NCOA2: variants seen among roughly 807,000 people sequenced by gnomAD.
NCOA2 encodes nuclear receptor coactivator 2.
A neutral mutation model predicts 145.1 loss-of-function variants in NCOA2; 21 were observed. The observed-to-expected ratio is 0.14, with a 90% CI of 0.10 to 0.21. The LOEUF (loss-of-function observed/expected upper bound fraction) is 0.21, where lower values mean the gene tolerates loss of function less well. NCOA2 is among the 10% of genes least tolerant of loss of function. The pLI, the probability that NCOA2 is intolerant of heterozygous loss-of-function variation, is 1.00. For synonymous variants in NCOA2, 619 were observed against 637.5 expected (o/e 0.97, Z 0.44); for missense variants, 1,472 against 1,837.6 (o/e 0.80, Z 3.64).
intron 2 of NCOA2, among the ~76,000 whole-genome samples, chr8:70,237,816 A>G (rs2134369186): frequency 6.6e-6 from 1 of 152,102 alleles, no homozygotes; most frequent in South Asian, 2.1e-4. Context: ...ATATTACTAC[A>G]TACTCTTCAT....
intron 2 of NCOA2, among the ~76,000 whole-genome samples, chr8:70,220,996 G>A (rs1404571560): frequency 6.6e-6 from 1 of 152,116 alleles, no homozygotes; most frequent in East Asian, 1.9e-4. Context: ...AATTCCCCAA[G>A]TTAGAAACGA....
Position 70,273,355 on chromosome 8 carries a change from C to T in NCOA2, c.-20+23389G>A, listed in dbSNP as rs1370076285. On this transcript the variant is annotated intron_variant, in intron 2 of 22. Coordinates refer to ENST00000452400, the MANE Select transcript of NCOA2 (RefSeq NM_006540.4). ...ACCAACCCTAGTCCCCCGCGCAGCC[C>T]CTTATCCGCTGCGACAAGATGAAAG... is the stretch of plus-strand genomic sequence containing the variant. 4 of 547,414 alleles carry T rather than the reference C, an allele frequency of 7.3e-6. No individual in the cohort carries two copies. In the African/African-American group the frequency reaches 7.7e-5, roughly 11 times the overall value. The allele number at this position is 547,414 out of a possible 1,614,324, so 33.9% of individuals were successfully genotyped here.
chr8:70,147,119 CGCGCGCGCGTGTGT>C (rs1811164579), intron 12 of NCOA2, among the ~76,000 whole-genome samples: 2 of 150,582 alleles, frequency 1.3e-5, no homozygotes, highest in African/African-American at 4.9e-5. Context: ...TTCGCGCGCG[CGCGCGCGCGTGTGT>C]GTGTGTGTGT....
At chr8:70,366,080 T>A (rs1002037158) in intron 1 of NCOA2, among the ~76,000 whole-genome samples, 4 of 152,238 alleles carry the variant, frequency 2.6e-5, no homozygotes, top group African/African-American at 7.2e-5. Context: ...CATGTGCTTC[T>A]CTTACCAGCA....
the NCOA2 span, among the ~76,000 whole-genome samples, chr8:70,451,235 A>ATAT: frequency 0.09 from 8,508 of 94,948 alleles, 220 homozygotes; most frequent in Non-Finnish European, 0.12. Flanking sequence ...AAAAAAAAAA[A>ATAT]AAATATATAT....
chr8:70,271,914 C>T (rs1825078973), intron 2 of NCOA2, among the ~76,000 whole-genome samples: 1 of 152,186 alleles, frequency 6.6e-6, no homozygotes, highest in African/African-American at 2.4e-5. Flanking sequence ...TAAATCTCTC[C>T]ACTGAAATTA....
chr8:70,376,277 C>T (rs1811658724), intron 1 of NCOA2, among the ~76,000 whole-genome samples: 1 of 152,064 alleles, frequency 6.6e-6, no homozygotes. Context: ...CAGTCTCCTT[C>T]GGGGAGAGTA....
intron 11 of NCOA2, among the ~76,000 whole-genome samples, chr8:70,155,094 T>C (rs1812138215): frequency 2.0e-5 from 3 of 152,220 alleles, no homozygotes; most frequent in Admixed American, 6.5e-5. Context: ...TCACTTAAGG[T>C]ATCCTGGATT....
chr8:70,225,565 G>T (rs1820556892), intron 2 of NCOA2, among the ~76,000 whole-genome samples: 1 of 149,792 alleles, frequency 6.7e-6, no homozygotes, highest in African/African-American at 2.5e-5. Context: ...AAAAAGAAAA[G>T]AAAAGAAAGA....
chr8:70,388,271 T>G (rs1324431482), intron 1 of NCOA2, among the ~76,000 whole-genome samples: 1 of 152,222 alleles, frequency 6.6e-6, no homozygotes, highest in Non-Finnish European at 1.5e-5. Flanking sequence ...TCTCTCAAAT[T>G]ATCATGCAGC....
chr8:70,150,967 T>C (rs1378266607), intron 11 of NCOA2, among the ~76,000 whole-genome samples: 1 of 152,208 alleles, frequency 6.6e-6, no homozygotes, highest in Non-Finnish European at 1.5e-5. Context: ...AGAAAAAGCC[T>C]CTAATAAACT....
chr8:70,166,545 A>C, intron 7 of NCOA2, 21 bp downstream of exon 7: 1 of 1,609,404 alleles, frequency 6.2e-7, no homozygotes, highest in Non-Finnish European at 8.5e-7. Context: ...CACACAGAAC[A>C]CCCTAGGGAT....
At chr8:70,140,510 G>C (rs1358439873) in intron 14 of NCOA2, among the ~76,000 whole-genome samples, 1 of 151,780 alleles carries the variant, frequency 6.6e-6, no homozygotes, top group Middle Eastern at 3.2e-3. Context: ...TAGTCTAGGT[G>C]GTGGCCCAGG....
At chr8:70,243,791 G>GAAAAAAA (rs200949977) in intron 2 of NCOA2, among the ~76,000 whole-genome samples, 2 of 99,534 alleles carry the variant, frequency 2.0e-5, no homozygotes, top group Non-Finnish European at 2.4e-5. Flanking sequence ...ATAAAAAATG[G>GAAAAAAA]AAAAAAAAAA....
At position 70,171,865 on chromosome 8, in the gene NCOA2, A is replaced by G. The variant is rs1017434883; in HGVS notation, c.364-1486T>C. On this transcript the variant is annotated intron_variant, in intron 5 of 22. Coordinates refer to ENST00000452400, the MANE Select transcript of NCOA2 (RefSeq NM_006540.4). Reference sequence around the variant, plus strand: ...TTGAGACACAGTCTCACTCTGTTGCATAGGCTGGGGTGCAATGGCATGATC... The same window carrying G: ...TTGAGACACAGTCTCACTCTGTTGCGTAGGCTGGGGTGCAATGGCATGATC... Among the ~76,000 whole-genome samples, 3 of 151,224 alleles carry G rather than the reference A, an allele frequency of 2.0e-5. No individual in the cohort carries two copies. The East Asian group carries it at 5.8e-4, about 29-fold the overall frequency.
At chr8:70,282,400 A>G (rs972290483) in intron 2 of NCOA2, among the ~76,000 whole-genome samples, 2 of 152,186 alleles carry the variant, frequency 1.3e-5, no homozygotes, top group African/African-American at 4.8e-5. Flanking sequence ...CAGCCAGGCC[A>G]TAAGGCCGGG....
intron 22 of NCOA2, among the ~76,000 whole-genome samples, chr8:70,115,222 C>T (rs994040840): frequency 6.6e-6 from 1 of 152,116 alleles, no homozygotes; most frequent in Non-Finnish European, 1.5e-5. Flanking sequence ...ACGATCTCGG[C>T]TCACTGCAAC....
Position 70,124,774 on chromosome 8 carries a change from G to A in NCOA2, c.4008C>T (p.Pro1336=). The A allele has an allele frequency of 6.2e-7, 1 of 1,613,744 alleles. No homozygotes were observed. The highest frequency in any genetic ancestry group is 8.5e-7 in the Non-Finnish European group (1 of 1,179,810). ...GGTTGGCCTGAGACTGTTGCATCAT[G>A]GGACTCTGTGTATGTGCCATTCGGG... ...MSPRMAHTQS[P]MMQQSQANPA... Residue 1336 remains proline, a synonymous_variant, in exon 20 of 23, where the codon CCC becomes CCT. Coordinates refer to ENST00000452400, the MANE Select transcript of NCOA2 (RefSeq NM_006540.4).
chr8:70,315,714 T>A (rs1805530092), intron 1 of NCOA2, among the ~76,000 whole-genome samples: 1 of 152,196 alleles, frequency 6.6e-6, no homozygotes, highest in South Asian at 2.1e-4. Context: ...AAAACCAGAC[T>A]GCAGGAGGCA....
Sources: allele counts gnomAD v4.1 joint callset (sites outside exome capture counted in the v4.1 genomes callset), GRCh38; gene constraint gnomAD v4.1.1; transcripts MANE v1.5; gene names NCBI Gene and HGNC (gene_info 2026-07-23, HGNC 2026-07-21).